STXBP5L: variants seen among roughly 807,000 people sequenced by gnomAD.
STXBP5L encodes syntaxin-binding protein 5-like.
A neutral mutation model predicts 144.5 loss-of-function variants in STXBP5L; 65 were observed. The ratio of observed to expected loss-of-function variants is 0.45; its 90% CI spans 0.37 to 0.55. The LOEUF (loss-of-function observed/expected upper bound fraction) is 0.55, where lower values mean the gene tolerates loss of function less well. Ranked by LOEUF, STXBP5L falls within the 20% of genes least tolerant of loss-of-function variation. STXBP5L has a pLI of 0.00. For missense variants in STXBP5L, 1,298 were observed against 1,405.5 expected (o/e 0.92, Z 1.22); for synonymous variants, 505 against 469.6 (o/e 1.08, Z -0.97).
intron 20 of STXBP5L, among the ~76,000 whole-genome samples, chr3:121,341,033 T>A (rs2044690552): frequency 6.6e-6 from 1 of 152,088 alleles, no homozygotes; most frequent in African/African-American, 2.4e-5. Context: ...CTAAAAAGAT[T>A]CTGCAGAAGA....
chr3:121,349,054 T>C (rs1363904143), intron 20 of STXBP5L, among the ~76,000 whole-genome samples: 2 of 152,094 alleles, frequency 1.3e-5, no homozygotes, highest in Admixed American at 6.5e-5. Context: ...GATGTTAGGG[T>C]GTCAGTTTTA....
At chr3:121,169,037 A>G (rs184321622) in intron 9 of STXBP5L, among the ~76,000 whole-genome samples, 2 of 152,356 alleles carry the variant, frequency 1.3e-5, no homozygotes, top group Non-Finnish European at 2.9e-5. Context: ...CCAATATGCA[A>G]TATTCTTAAA....
intron 3 of STXBP5L, among the ~76,000 whole-genome samples, chr3:121,014,352 C>T (rs1944991336): frequency 1.3e-5 from 2 of 151,930 alleles, no homozygotes; most frequent in African/African-American, 4.8e-5. Flanking sequence ...CACTACTAAC[C>T]TTCTGTCACC....
chr3:120,984,632 C>CTTTTTTTTTTTTTTTTTTTTTTTTTTT lies in STXBP5L; in HGVS notation c.287+29617_287+29618insTTTTTTTTTTTTTTTTTTTTTTTTTTT, dbSNP rs35656223. On this transcript the variant is annotated intron_variant, in intron 3 of 26. Transcript: ENST00000471454. ...TGGATGCCTTTCATTTCTTTCTTTC[C>CTTTTTTTTTTTTTTTTTTTTTTTTTTT]TTTTTTTTTTTTTTTTTTTTTTGCC... Among the ~76,000 whole-genome samples the CTTTTTTTTTTTTTTTTTTTTTTTTTTT allele has an allele frequency of 2.4e-4, 17 of 71,964 alleles. 1 individual carries two copies. The highest frequency in any genetic ancestry group is 6.8e-4 in the African/African-American group (11 of 16,286). 47.2% of individuals were successfully genotyped at this position (71,964 alleles called of 152,430 possible).
intron 18 of STXBP5L, among the ~76,000 whole-genome samples, chr3:121,271,877 C>G (rs2050743452): frequency 6.6e-6 from 1 of 152,124 alleles, no homozygotes; most frequent in African/African-American, 2.4e-5. Flanking sequence ...AGGAAACTTA[C>G]AATCATGGTG....
At chr3:121,185,040 A>C (rs2108125389) in intron 9 of STXBP5L, among the ~76,000 whole-genome samples, 1 of 152,336 alleles carries the variant, frequency 6.6e-6, no homozygotes, top group East Asian at 1.9e-4. Flanking sequence ...GGCCTGCTTT[A>C]CAAGAGCTCC....
chr3:120,973,585 C>G (rs569747920), intron 3 of STXBP5L, among the ~76,000 whole-genome samples: 3 of 152,058 alleles, frequency 2.0e-5, no homozygotes, highest in South Asian at 4.2e-4. Context: ...GGTACATGTG[C>G]ACAATGTGCA....
At chr3:121,348,844 C>T (rs1017747045) in intron 20 of STXBP5L, among the ~76,000 whole-genome samples, 1 of 151,952 alleles carries the variant, frequency 6.6e-6, no homozygotes, top group Non-Finnish European at 1.5e-5. Flanking sequence ...TGATTCTTCT[C>T]TCTTTTCTTC....
intron 22 of STXBP5L, among the ~76,000 whole-genome samples, chr3:121,390,426 CATT>C (rs2046551519): frequency 6.6e-6 from 1 of 152,134 alleles, no homozygotes; most frequent in African/African-American, 2.4e-5. Context: ...TTGATCCTGT[CATT>C]ATGATGTTAG....
At chr3:121,332,238 G>A (rs2044343327) in intron 20 of STXBP5L, among the ~76,000 whole-genome samples, 1 of 151,752 alleles carries the variant, frequency 6.6e-6, no homozygotes, top group Non-Finnish European at 1.5e-5. Flanking sequence ...CTTCCACAAT[G>A]GATCCAAACC....
chr3:121,112,818 T>G (rs752454233), intron 5 of STXBP5L, among the ~76,000 whole-genome samples: 19 of 152,282 alleles, frequency 1.2e-4, no homozygotes, highest in Non-Finnish European at 2.6e-4. Flanking sequence ...AAGTTACAAA[T>G]GAAAGTGTAA....
At chr3:121,336,947 G>A (rs1175710833) in intron 20 of STXBP5L, among the ~76,000 whole-genome samples, 1 of 152,162 alleles carries the variant, frequency 6.6e-6, no homozygotes, top group Non-Finnish European at 1.5e-5. Flanking sequence ...CATGTCCTTT[G>A]CAGGAACATG....
At chr3:120,915,383 A>T (rs1185496765) in intron 2 of STXBP5L, among the ~76,000 whole-genome samples, 1 of 152,108 alleles carries the variant, frequency 6.6e-6, no homozygotes, top group African/African-American at 2.4e-5. Context: ...CCTGTATTAT[A>T]GTTCTGTAAA....
rs148915171 is a variant in STXBP5L, at chr3:121,027,995, G to A, written c.288-13705G>A. Among the ~76,000 whole-genome samples the A allele has an allele frequency of 3.6e-4, 54 of 151,854 alleles. No homozygotes were observed. In the South Asian group the frequency reaches 8.9e-3, roughly 25 times the overall value. ...TGTAAACTGTCACTTGATTTATTTG[G>A]TGATATGCAATAGGGCCAGAAATAA... On this transcript the variant is annotated intron_variant, in intron 3 of 26. Transcript: ENST00000471454.
At chr3:120,953,288 C>T (rs1287579039) in intron 2 of STXBP5L, among the ~76,000 whole-genome samples, 1 of 150,230 alleles carries the variant, frequency 6.7e-6, no homozygotes, top group African/African-American at 2.4e-5. Flanking sequence ...AATTTTTTGC[C>T]AGTAGCTCCA....
At chr3:120,974,133 G>T (rs1416391985) in intron 3 of STXBP5L, among the ~76,000 whole-genome samples, 1 of 152,116 alleles carries the variant, frequency 6.6e-6, no homozygotes, top group African/African-American at 2.4e-5. Flanking sequence ...TTCCACAATG[G>T]TTGAACTAGT....
Position 121,197,250 on chromosome 3 carries a change from C to T in STXBP5L, c.878-8673C>T, listed in dbSNP as rs75905176. ...AACTTTTTTGTATCTTTGATCAAAGCGTGTCTCCTGTAGAAAGCATATAGT... is the reference window on the plus strand; with the variant it reads ...AACTTTTTTGTATCTTTGATCAAAGTGTGTCTCCTGTAGAAAGCATATAGT... On this transcript the variant is annotated intron_variant, in intron 9 of 26. Transcript: ENST00000471454. 9.2e-5 allele frequency among the ~76,000 whole-genome samples: 14 copies of T among 152,154 alleles called. No individual in the cohort carries two copies. The South Asian group carries it at 1.7e-3, about 18-fold the overall frequency.
intron 19 of STXBP5L, among the ~76,000 whole-genome samples, chr3:121,285,916 A>G (rs891953876): frequency 1.3e-5 from 2 of 152,140 alleles, no homozygotes; most frequent in African/African-American, 4.8e-5. Context: ...ACCAACCCAC[A>G]CCACAGAGAG....
chr3:120,927,431 G>C (rs980430283), intron 2 of STXBP5L, among the ~76,000 whole-genome samples: 24 of 152,142 alleles, frequency 1.6e-4, no homozygotes, highest in African/African-American at 5.3e-4. Flanking sequence ...TCCCCTCTTT[G>C]TTTCTCTTTG....
Sources: allele counts gnomAD v4.1 joint callset (sites outside exome capture counted in the v4.1 genomes callset), GRCh38; gene constraint gnomAD v4.1.1; transcripts MANE v1.5; gene names NCBI Gene and HGNC (gene_info 2026-07-23, HGNC 2026-07-21).